SEL1L3: variants seen among roughly 807,000 people sequenced by gnomAD.
SEL1L3 encodes the protein SEL1L family member 3.
SEL1L3 carries 76 observed loss-of-function variants against 142.8 expected under a neutral mutation model. That is an observed-to-expected ratio of 0.53 (90% CI 0.44 to 0.64). SEL1L3 has a LOEUF of 0.64. Ranked by LOEUF, SEL1L3 falls within the 30% of genes least tolerant of loss-of-function variation. The pLI is 0.00. For synonymous variants in SEL1L3, 504 were observed against 519.6 expected, an observed-to-expected ratio of 0.97 and a Z score of 0.41; for missense variants, 1,262 against 1,381.7, an observed-to-expected ratio of 0.91 and a Z score of 1.37.
the SEL1L3 span, among the ~76,000 whole-genome samples, chr4:25,729,545 C>A: frequency 1.8e-3 from 275 of 152,236 alleles, no homozygotes; most frequent in African/African-American, 6.3e-3. Flanking sequence ...GAAACCCCTT[C>A]TCTACTAAAA....
At chr4:25,823,243 T>C (rs1020667699) in intron 6 of SEL1L3, among the ~76,000 whole-genome samples, 2 of 152,218 alleles carry the variant, frequency 1.3e-5, no homozygotes, top group African/African-American at 4.8e-5. Context: ...ATGCTGGGCA[T>C]GGTGGCTCAC....
intron 9 of SEL1L3, among the ~76,000 whole-genome samples, chr4:25,810,879 C>T (rs1038256179): frequency 3.3e-5 from 5 of 152,240 alleles, no homozygotes; most frequent in African/African-American, 1.2e-4. Flanking sequence ...CCCCGAGTAG[C>T]CCCGCCATGT....
rs1473098944 is a variant in SEL1L3, at chr4:25,788,569, C to T, written c.2077-205G>A. ...CCCTTAATGCAAGCCAGAAATGGTT[C>T]GTGTGTGTGTGTGTGTGTGTGTGTG... On this transcript the variant is annotated intron_variant, in intron 12 of 23. Coordinates refer to ENST00000399878, the MANE Select transcript of SEL1L3 (RefSeq NM_015187.5). The surrounding 1 kb of genome is among the most constrained non-coding windows in gnomAD (Gnocchi z 5.3). Among the ~76,000 whole-genome samples, 2 of 139,954 alleles carry T rather than the reference C, an allele frequency of 1.4e-5. No individual in the cohort carries two copies. The highest frequency in any genetic ancestry group is 3.1e-5 in the Non-Finnish European group (2 of 64,318). The allele number at this position is 139,954 out of a possible 152,430, so 91.8% of individuals were successfully genotyped here. A position where few individuals can be genotyped will look rare whatever the true frequency, so the allele number is the denominator to read the frequency against.
intron 2 of SEL1L3, among the ~76,000 whole-genome samples, chr4:25,843,713 C>G (rs1417997544): frequency 6.6e-6 from 1 of 152,240 alleles, no homozygotes; most frequent in Non-Finnish European, 1.5e-5. Context: ...GTGGCCGAGT[C>G]GTGGCACACA....
chr4:25,794,917 G>T (rs1008222977), intron 11 of SEL1L3, among the ~76,000 whole-genome samples: 17 of 152,062 alleles, frequency 1.1e-4, no homozygotes, highest in African/African-American at 3.4e-4. Context: ...GACATGGATG[G>T]AGTTGGAAGC....
At chr4:25,825,401 C>T (rs535662504) in intron 6 of SEL1L3, among the ~76,000 whole-genome samples, 1 of 152,276 alleles carries the variant, frequency 6.6e-6, no homozygotes, top group South Asian at 2.1e-4. Context: ...CCCAAGCCAG[C>T]CCCTTTTGAA....
At chr4:25,842,209 C>T (rs796557386) in intron 2 of SEL1L3, among the ~76,000 whole-genome samples, 32 of 151,496 alleles carry the variant, frequency 2.1e-4, no homozygotes, top group African/African-American at 6.5e-4. Flanking sequence ...ATTCTGATGG[C>T]CAGCATTTAT....
At chr4:25,832,841 T>C (rs1389992775) in intron 5 of SEL1L3, among the ~76,000 whole-genome samples, 154 bp downstream of exon 5, 1 of 152,228 alleles carries the variant, frequency 6.6e-6, no homozygotes, top group Non-Finnish European at 1.5e-5. Context: ...CTTCCATCTA[T>C]GAAAGTTTGA....
intron 6 of SEL1L3, among the ~76,000 whole-genome samples, chr4:25,827,719 T>C (rs370972793): frequency 7.9e-5 from 12 of 152,254 alleles, no homozygotes; most frequent in East Asian, 7.7e-4. Context: ...TTCACTCATA[T>C]CAGCCTCTAG....
At chr4:25,800,274 C>T (rs1018560613) in intron 11 of SEL1L3, among the ~76,000 whole-genome samples, 1 of 152,206 alleles carries the variant, frequency 6.6e-6, no homozygotes. Flanking sequence ...TTTAAATCAA[C>T]ATATGACACC....
chr4:25,796,911 G>A (rs1414379352), intron 11 of SEL1L3, among the ~76,000 whole-genome samples: 1 of 151,606 alleles, frequency 6.6e-6, no homozygotes, highest in Non-Finnish European at 1.5e-5. Context: ...ACAGTGACGC[G>A]GGAAGGACAG....
At chr4:25,756,044 T>G in intron 23 of SEL1L3, 1 of 985,416 alleles carries the variant, frequency 1.0e-6, no homozygotes, top group African/African-American at 1.7e-5. Flanking sequence ...GAGAAATGAT[T>G]TCGCATTAGC....
rs1436000537 is a variant in SEL1L3, at chr4:25,802,364, C to T, written c.1875G>A (p.Leu625=). The T allele has an allele frequency of 1.2e-6, 2 of 1,613,838 alleles. No homozygotes were observed. The highest frequency in any genetic ancestry group is 2.7e-5 in the African/African-American group (2 of 75,010). ...KHYQGIDNYP[L]DWELSYAYYS... is the part of the protein sequence containing the mutation. ...AGTAGGCATACGACAGTTCCCAGTC[C>T]AGGGGGTAGTTGTCAATACCCTGGT... The change falls in exon 11 of 24, where the codon CTG becomes CTA. Residue 625 remains leucine (L), a synonymous_variant. Coordinates refer to ENST00000399878, the MANE Select transcript of SEL1L3 (RefSeq NM_015187.5).
chr4:25,758,866 T>C (rs1354160620), intron 21 of SEL1L3, 75 bp downstream of exon 21: 5 of 1,456,552 alleles, frequency 3.4e-6, no homozygotes, highest in Non-Finnish European at 4.7e-6. Context: ...AGGGTAAAGC[T>C]AACTTTAACC....
chr4:25,834,847 G>A (rs190383721), intron 3 of SEL1L3, among the ~76,000 whole-genome samples: 191 of 152,280 alleles, frequency 1.3e-3, no homozygotes, highest in Admixed American at 2.2e-3. Context: ...CAAACAGCTC[G>A]TCCAATCTTC....
At chr4:25,856,929 T>C (rs958430756) in intron 1 of SEL1L3, among the ~76,000 whole-genome samples, 4 of 152,216 alleles carry the variant, frequency 2.6e-5, no homozygotes, top group Admixed American at 2.0e-4. Context: ...CTTTAAATCA[T>C]CCACATCTTG....
chr4:25,784,081 G>A lies in SEL1L3; in HGVS notation c.2280+147C>T, dbSNP rs944322792. The A allele has an allele frequency of 2.4e-5, 17 of 695,204 alleles. No homozygotes were observed. The African/African-American group carries it at 2.8e-4, about 12-fold the overall frequency. The allele number at this position is 695,204 out of a possible 1,614,324, so 43.1% of individuals were successfully genotyped here. On this transcript the variant is annotated intron_variant, in intron 14 of 23. Coordinates refer to ENST00000399878, the MANE Select transcript of SEL1L3 (RefSeq NM_015187.5). ...AAAGTGACTAATCACTGCAGTGGGG[G>A]TGCCGTGCTGGCGACCAACTGCTCA...
chr4:25,787,383 C>A (rs151150327), intron 13 of SEL1L3, among the ~76,000 whole-genome samples: 15 of 152,056 alleles, frequency 9.9e-5, no homozygotes, highest in Admixed American at 9.8e-4. Context: ...TGCAGTGGCA[C>A]GATCTTGGCT....
the SEL1L3 span, among the ~76,000 whole-genome samples, chr4:25,740,537 T>C: frequency 1.3e-5 from 2 of 152,164 alleles, no homozygotes; most frequent in African/African-American, 4.8e-5. Flanking sequence ...ACATCCAGGA[T>C]CCAGGCTGCT....
Sources: gnomAD v4.1 joint callset for allele counts (sites outside exome capture counted in the v4.1 genomes callset) on GRCh38, gnomAD v4.1.1 for gene constraint, Gnocchi (gnomAD v3.1) non-coding constraint, MANE v1.5 for transcripts, NCBI Gene and HGNC (gene_info 2026-07-23, HGNC 2026-07-21) for gene names.